SREBF2: variants seen among roughly 807,000 people sequenced by gnomAD.
The protein encoded by SREBF2 is sterol regulatory element binding transcription factor 2, also known as sterol regulatory element-binding protein 2.
In SREBF2, 55 loss-of-function variants were observed where a neutral mutation model predicts 113.1. That is an observed-to-expected ratio of 0.49 (90% confidence interval 0.39 to 0.61). The LOEUF is 0.61. Among genes scored for constraint, SREBF2 ranks in the 20% least tolerant of loss-of-function variants. The pLI is 0.00. For synonymous variants in SREBF2, 593 were observed against 605.7 expected (o/e 0.98, Z 0.31); for missense variants, 1,349 against 1,487.4 (o/e 0.91, Z 1.53).
intron 1 of SREBF2, among the ~76,000 whole-genome samples, chr22:41,850,095 AC>A (rs1602276919): frequency 6.7e-6 from 1 of 150,196 alleles, no homozygotes; most frequent in Non-Finnish European, 1.5e-5. Flanking sequence ...AGCCGAGATT[AC>A]CCCACTGCAC....
intron 15 of SREBF2, chr22:41,899,561 T>C (rs2077446814): frequency 1.7e-5 from 17 of 992,780 alleles, no homozygotes; most frequent in Non-Finnish European, 2.0e-5. Flanking sequence ...AGAGTGAGTA[T>C]ACACAGGCTT....
chr22:41,905,002 G>GC, intron 18 of SREBF2, 28 bp downstream of exon 18: 1 of 1,553,404 alleles, frequency 6.4e-7, no homozygotes, highest in South Asian at 1.2e-5. Context: ...CAGCTCACAG[G>GC]CTGGGCCAGG....
intron 11 of SREBF2, among the ~76,000 whole-genome samples, chr22:41,890,233 C>G (rs2077346121): frequency 6.6e-6 from 1 of 152,196 alleles, no homozygotes; most frequent in Non-Finnish European, 1.5e-5. Flanking sequence ...AACCATCACT[C>G]TCTCTCTTTT....
At chr22:41,868,914 C>A in intron 3 of SREBF2, 122 bp downstream of exon 3, 1 of 1,263,990 alleles carries the variant, frequency 7.9e-7, no homozygotes, top group Non-Finnish European at 1.1e-6. Flanking sequence ...GCTTGTAGGG[C>A]GCCAGGATGC....
intron 16 of SREBF2, among the ~76,000 whole-genome samples, chr22:41,902,058 T>G (rs2077469871): frequency 6.6e-6 from 1 of 152,068 alleles, no homozygotes; most frequent in South Asian, 2.1e-4. Context: ...CAGAAAACAG[T>G]GTAGGCAAGG....
rs567947026 is a variant in SREBF2 at position 41,852,542 on chromosome 22, A to C, written c.89-14289A>C. ...TTTGTTTTTTCCTCTCCTGACTTTCATCTGAAACCCTGAACCCTACAGGCC... is the reference window on the plus strand; with the variant it reads ...TTTGTTTTTTCCTCTCCTGACTTTCCTCTGAAACCCTGAACCCTACAGGCC... On this transcript the variant is annotated intron_variant, in intron 1 of 18. Transcript: ENST00000361204. 4.6e-5 allele frequency among the ~76,000 whole-genome samples: 7 copies of C among 151,724 alleles called. No individual in the cohort carries two copies. The East Asian group carries it at 1.2e-3, about 25-fold the overall frequency.
intron 13 of SREBF2, among the ~76,000 whole-genome samples, chr22:41,896,301 T>C (rs574390960): frequency 6.6e-6 from 1 of 152,262 alleles, no homozygotes; most frequent in African/African-American, 2.4e-5. Flanking sequence ...TTTCACAGAG[T>C]AAGACCTGAG....
At chr22:41,876,989 C>G (rs2077202494) in intron 7 of SREBF2, among the ~76,000 whole-genome samples, 1 of 152,062 alleles carries the variant, frequency 6.6e-6, no homozygotes, top group African/African-American at 2.4e-5. Flanking sequence ...AAAAGAAAAT[C>G]TCTTCTACCT....
In SREBF2 at chr22:41,906,832, G is replaced by A. The variant is rs1044018595; in HGVS notation, c.*1172G>A. 1.3e-5 allele frequency: 2 copies of A among 152,198 alleles called. No homozygotes were observed. The highest frequency in any genetic ancestry group is 4.8e-5 in the African/African-American group (2 of 41,442). 9.4% of individuals were successfully genotyped at this position (152,198 alleles called of 1,614,324 possible). ...GTTGCCTATGGTGGGCACTAGGAAT[G>A]AGGTCCCCTGCCTCGATGCGGGTCC... is the stretch of plus-strand genomic sequence containing the variant. On this transcript the variant is annotated 3_prime_UTR_variant, in exon 19 of 19. Coordinates refer to ENST00000361204, the MANE Select transcript of SREBF2 (RefSeq NM_004599.4).
rs759659531 is a variant in SREBF2, at chr22:41,878,055, C to T, written c.1693C>T (p.Arg565Trp). Residue 565 changes from arginine (R) to tryptophan (W), a missense_variant, in exon 9 of 19, where the codon CGG (arginine) becomes TGG (tryptophan). Transcript: ENST00000361204. ...GCTGGTTCATGGGGAGCCAGTGATCCGGCCACACTCGCGCTCCTCGGTCAC... is the reference window on the plus strand; with the variant it reads ...GCTGGTTCATGGGGAGCCAGTGATCTGGCCACACTCGCGCTCCTCGGTCAC... Reference protein sequence around the residue: ...KLLVHGEPVIRPHSRSSVTFW... With the variant: ...KLLVHGEPVIWPHSRSSVTFW... 10 of 1,614,032 alleles carry T rather than the reference C, an allele frequency of 6.2e-6. No individual in the cohort carries two copies. The Admixed American group carries it at 6.7e-5, about 11-fold the overall frequency.
At chr22:41,835,664 G>A (rs1298987856) in intron 1 of SREBF2, among the ~76,000 whole-genome samples, 3 of 152,026 alleles carry the variant, frequency 2.0e-5, no homozygotes, top group African/African-American at 7.3e-5. Flanking sequence ...GTGTCTGGCT[G>A]TTGCCCAGGC....
Position 41,878,283 on chromosome 22 carries a change from G to A in SREBF2, c.1761+160G>A, listed in dbSNP as rs4822062. Among the ~76,000 whole-genome samples the A allele has an allele frequency of 0.12, 18,710 of 152,196 alleles. 1,660 individuals are homozygous for A. The highest frequency in any genetic ancestry group is 0.31 in the Admixed American group (4,720 of 15,274). On this transcript the variant is annotated intron_variant, in intron 9 of 18. Transcript: ENST00000361204. ...GCAGTGGAGTGGGCGCCTCTGCATA[G>A]ATAATTAATTCCAGGGACATGAGAT...
chr22:41,900,039 C>T lies in SREBF2; in HGVS notation c.2739-291C>T, dbSNP rs543496725. ...TTATAGGTAAGGAAACTGAGGCACACGTTGGAATGACTATCTTGGGTGGCT... is the reference window on the plus strand; with the variant it reads ...TTATAGGTAAGGAAACTGAGGCACATGTTGGAATGACTATCTTGGGTGGCT... On this transcript the variant is annotated intron_variant, in intron 15 of 18. Coordinates refer to ENST00000361204, the MANE Select transcript of SREBF2 (RefSeq NM_004599.4). 9.6e-5 allele frequency: 128 copies of T among 1,337,644 alleles called. No homozygotes were observed. In the African/African-American group the frequency reaches 1.7e-3, roughly 17 times the overall value. 82.9% of individuals were successfully genotyped at this position (1,337,644 alleles called of 1,614,324 possible).
At chr22:41,896,844 A>T (rs2077420762) in intron 13 of SREBF2, among the ~76,000 whole-genome samples, 2 of 152,118 alleles carry the variant, frequency 1.3e-5, no homozygotes, top group African/African-American at 4.8e-5. Context: ...TAGAGGGAAG[A>T]GTGTCAGTGA....
intron 11 of SREBF2, among the ~76,000 whole-genome samples, chr22:41,887,170 G>A (rs1367945155): frequency 6.6e-6 from 1 of 151,666 alleles, no homozygotes; most frequent in Non-Finnish European, 1.5e-5. Context: ...AGCCAAGATT[G>A]CACCACTGCA....
intron 9 of SREBF2, 84 bp from the exon 10 acceptor site, chr22:41,880,632 G>T: frequency 6.5e-7 from 1 of 1,549,894 alleles, no homozygotes; most frequent in Non-Finnish European, 8.9e-7. Context: ...TCTGATAATT[G>T]GGGGCAGGGG....
In SREBF2 at chr22:41,903,002, G is replaced by A. The variant is rs771735100; in HGVS notation, c.2940G>A (p.Leu980=). 4 of 1,611,728 alleles carry A rather than the reference G, an allele frequency of 2.5e-6. No individual in the cohort carries two copies. In the African/African-American group the frequency reaches 4.0e-5, roughly 16 times the overall value. ...VVQLLTCDLL[L]SLRTALWQKQ... is the part of the protein sequence containing the mutation. ...AGCTGCTCACCTGTGACCTGCTACT[G>A]TCGCTACGGACAGCGCTCTGGCAAA... The change falls in exon 17 of 19, where the codon CTG becomes CTA. Residue 980 remains leucine (L), a synonymous_variant. Transcript: ENST00000361204.
intron 1 of SREBF2, chr22:41,834,576 A>C (rs1021646617): frequency 1.3e-5 from 2 of 152,700 alleles, no homozygotes; most frequent in Admixed American, 1.3e-4. Context: ...GAAGAAGCAG[A>C]AGCAGCAGAA....
intron 11 of SREBF2, among the ~76,000 whole-genome samples, chr22:41,886,849 T>C (rs2077304007): frequency 6.6e-6 from 1 of 152,124 alleles, no homozygotes; most frequent in Non-Finnish European, 1.5e-5. Context: ...GCCTGACCAA[T>C]ATGATGAAAC....
Sources: allele counts gnomAD v4.1 joint callset (sites outside exome capture counted in the v4.1 genomes callset), GRCh38; gene constraint gnomAD v4.1.1; transcripts MANE v1.5; gene names NCBI Gene and HGNC (gene_info 2026-07-23, HGNC 2026-07-21).